Variants in MLC1 observed in about 807,000 individuals in gnomAD.
MLC1 encodes the protein membrane protein MLC1.
Under a neutral mutation model 44.7 loss-of-function variants are expected in MLC1, and 32 were observed. The observed-to-expected ratio is 0.72, with a 90% CI of 0.54 to 0.96. MLC1 has a LOEUF of 0.96. Among genes scored for constraint, MLC1 ranks in the 40% least tolerant of loss-of-function variants. The pLI, the probability that MLC1 is intolerant of heterozygous loss-of-function variation, is 0.00. For synonymous variants in MLC1, 190 were observed against 213.0 expected (o/e 0.89, Z 0.94); for missense variants, 459 against 492.2 (o/e 0.93, Z 0.64).
chr22:50,081,009 AAAAGAAAG>A (rs757266134), intron 3 of MLC1, among the ~76,000 whole-genome samples: 143 of 96,818 alleles, frequency 1.5e-3, no homozygotes, highest in African/African-American at 5.4e-3. Flanking sequence ...TTGTCTCAAA[AAAAGAAAG>A]AAAGAAAGAA....
At chr22:50,070,675 C>A in intron 8 of MLC1, 92 bp from the exon 9 acceptor site, 1 of 1,360,962 alleles carries the variant, frequency 7.3e-7, no homozygotes, top group South Asian at 1.3e-5. Context: ...CCCCTCCATG[C>A]AGGCTGCCTG....
At chr22:50,068,725 C>CTTTTTTTTTTTTTT (rs765426637) in intron 9 of MLC1, among the ~76,000 whole-genome samples, 170 bp from the exon 10 acceptor site, 78 of 105,226 alleles carry the variant, frequency 7.4e-4, no homozygotes, top group Non-Finnish European at 1.1e-3. Flanking sequence ...TTTTCTTTTT[C>CTTTTTTTTTTTTTT]TTTTTTTTTT....
rs748233980 is a variant in MLC1 at position 50,064,142 on chromosome 22, G to A, written c.951C>T (p.Gly317=). 7 of 1,608,522 alleles carry A rather than the reference G, an allele frequency of 4.4e-6. No individual in the cohort carries two copies. The highest frequency in any genetic ancestry group is 5.1e-6 in the Non-Finnish European group (6 of 1,179,846). ...LLLLVLLLQA[G]LNTGTAIQCV... is the part of the protein sequence containing the mutation. ...ACTGGATGGCGGTGCCCGTGTTGAGGCCGGCCTGCAGCAGGAGCACTAGCA... is the reference window on the plus strand; with the variant it reads ...ACTGGATGGCGGTGCCCGTGTTGAGACCGGCCTGCAGCAGGAGCACTAGCA... Residue 317 remains glycine, a synonymous_variant, in exon 11 of 12, where the codon GGC becomes GGT. Transcript: ENST00000311597.
chr22:50,084,612 G>A, intron 2 of MLC1, 114 bp downstream of exon 2: 1 of 1,135,602 alleles, frequency 8.8e-7, no homozygotes, highest in Non-Finnish European at 1.3e-6. Context: ...CAGCAGCAGG[G>A]TTAGTCTGAG....
At chr22:50,066,282 T>A (rs2061700630) in intron 10 of MLC1, among the ~76,000 whole-genome samples, 1 of 152,044 alleles carries the variant, frequency 6.6e-6, no homozygotes, top group Admixed American at 6.6e-5. Context: ...GCGGATCGCT[T>A]CAGCCCAGGA....
rs755849839 is a variant in MLC1 at position 50,059,478 on chromosome 22, G to A, written c.*2105C>T. The stretch of plus-strand genomic sequence containing the variant: ...CAGTTCTTTTAAACCCCATTTTTCC[G>A]GATTTTTTAAGCGCTCTAAAATAAG... On this transcript the variant is annotated 3_prime_UTR_variant, in exon 12 of 12. Coordinates refer to ENST00000311597, the MANE Select transcript of MLC1 (RefSeq NM_015166.4). 5.3e-5 allele frequency: 8 copies of A among 152,340 alleles called. No homozygotes were observed. The highest frequency in any genetic ancestry group is 1.9e-4 in the East Asian group (1 of 5,338). 9.4% of individuals were successfully genotyped at this position (152,340 alleles called of 1,614,324 possible).
intron 11 of MLC1, among the ~76,000 whole-genome samples, 190 bp from the exon 12 acceptor site, chr22:50,061,847 A>T (rs1179622654): frequency 6.6e-6 from 1 of 152,144 alleles, no homozygotes; most frequent in Non-Finnish European, 1.5e-5. Context: ...TCAGTGTCCC[A>T]GAAACGCCTG....
At chr22:50,070,398 A>G in intron 9 of MLC1, 129 bp downstream of exon 9, 1 of 914,374 alleles carries the variant, frequency 1.1e-6, no homozygotes, top group Non-Finnish European at 1.7e-6. Flanking sequence ...CTCATTGTGC[A>G]GGCCCTGCAG....
chr22:50,080,303 G>T, intron 4 of MLC1, 41 bp downstream of exon 4: 1 of 1,582,364 alleles, frequency 6.3e-7, no homozygotes, highest in Non-Finnish European at 8.6e-7. Context: ...CAGCCCCTCC[G>T]GCTTTCTCCC....
chr22:50,081,055 A>AAGAAAGAAAGAAAGAAAGAAAGAAAGAG (rs1569250951), intron 3 of MLC1, among the ~76,000 whole-genome samples: 18 of 151,808 alleles, frequency 1.2e-4, no homozygotes, highest in African/African-American at 3.9e-4. Flanking sequence ...GAAAGAAAGA[A>AAGAAAGAAAGAAAGAAAGAAAGAAAGAG]AGAGGAGGTC....
intron 11 of MLC1, among the ~76,000 whole-genome samples, chr22:50,062,926 C>T (rs557759642): frequency 3.1e-4 from 47 of 152,312 alleles, no homozygotes; most frequent in African/African-American, 1.0e-3. Context: ...CCCGGGGGAA[C>T]ATTGTTCAGG....
At position 50,077,007 on chromosome 22, in the gene MLC1, G is replaced by A; in HGVS notation, c.526-95C>T. The A allele has an allele frequency of 2.9e-6, 4 of 1,363,990 alleles. No individual in the cohort carries two copies. The South Asian group carries it at 4.7e-5, about 16-fold the overall frequency. 84.5% of individuals were successfully genotyped at this position (1,363,990 alleles called of 1,614,324 possible). On this transcript the variant is annotated intron_variant, in intron 6 of 11. Transcript: ENST00000311597. ...CCGCCGTGGGCAGTGGGTCAGGTCA[G>A]CCTGCCGTGTAGATGCGAGACCGCC...
chr22:50,081,061 A>C (rs1318235705), intron 3 of MLC1, among the ~76,000 whole-genome samples: 2 of 22,980 alleles, frequency 8.7e-5, no homozygotes, highest in Non-Finnish European at 1.2e-4. Flanking sequence ...AAGAAAGAGG[A>C]GGTCTGGTGC....
intron 4 of MLC1, 42 bp downstream of exon 4, chr22:50,080,302 C>T (rs749349560): frequency 2.5e-6 from 4 of 1,580,244 alleles, no homozygotes; most frequent in South Asian, 1.1e-5. Flanking sequence ...TCAGCCCCTC[C>T]GGCTTTCTCC....
chr22:50,083,204 A>T lies in MLC1; in HGVS notation c.178-31T>A. ...AGACAGCGACAGAATCCCAGGTTAC[A>T]ACGCGCCCCGTCCCCAGGCTGGACC... On this transcript the variant is annotated intron_variant, in intron 2 of 11. Transcript: ENST00000311597. This position sits in a 1 kb window ranked among gnomAD's most constrained non-coding sequence, Gnocchi z 4.6. 1.3e-6 allele frequency: 2 copies of T among 1,591,576 alleles called. No homozygotes were observed. Among genetic ancestry groups the T allele is most frequent in the Non-Finnish European group, 1.7e-6 (2 of 1,159,954 alleles).
intron 10 of MLC1, 109 bp downstream of exon 10, chr22:50,068,324 G>A: frequency 6.8e-7 from 1 of 1,470,344 alleles, no homozygotes; most frequent in Non-Finnish European, 9.3e-7. Context: ...GCCTCCTGGA[G>A]CTGTCCCTGG....
chr22:50,068,317 TCCTGGAGCTGTC>T (rs1306069049), intron 10 of MLC1, 104 bp downstream of exon 10: 167 of 1,445,118 alleles, frequency 1.2e-4, no homozygotes, highest in Non-Finnish European at 1.5e-4. Context: ...AGGAGGTGCC[TCCTGGAGCTGTC>T]CCTGGAGCCA....
chr22:50,081,019 A>AAGAAAGAAAGAAAGAAAGAAAG (rs2062115500), intron 3 of MLC1, among the ~76,000 whole-genome samples: 1 of 142,306 alleles, frequency 7.0e-6, no homozygotes, highest in South Asian at 2.2e-4. Context: ...AAAAGAAAGA[A>AAGAAAGAAAGAAAGAAAGAAAG]AGAAAGAAAG....
Position 50,083,964 on chromosome 22 carries a change from C to T in MLC1, c.177+762G>A, listed in dbSNP as rs979947030. Among the ~76,000 whole-genome samples, 7 of 152,242 alleles carry T rather than the reference C, an allele frequency of 4.6e-5. No homozygotes were observed. Among genetic ancestry groups the T allele is most frequent in the Admixed American group, 4.6e-4 (7 of 15,296 alleles). ...CCCCAGCTCCGAGGCAGACGCCTGT[C>T]TTGGTGGGGCATGCTCAGGCCACGG... is the stretch of plus-strand genomic sequence containing the variant. On this transcript the variant is annotated intron_variant, in intron 2 of 11. Transcript: ENST00000311597. The surrounding 1 kb of genome is among the most constrained non-coding windows in gnomAD (Gnocchi z 4.6).
Sources: gnomAD v4.1 joint callset for allele counts (sites outside exome capture counted in the v4.1 genomes callset) on GRCh38, gnomAD v4.1.1 for gene constraint, Gnocchi (gnomAD v3.1) non-coding constraint, MANE v1.5 for transcripts, NCBI Gene and HGNC (gene_info 2026-07-23, HGNC 2026-07-21) for gene names.